PPP3CA: variants seen among roughly 807,000 people sequenced by gnomAD.
The protein encoded by PPP3CA is CAM-PRP catalytic subunit.
Under a neutral mutation model 66.5 loss-of-function variants are expected in PPP3CA, and 14 were observed. That is an observed-to-expected ratio of 0.21 (90% CI 0.14 to 0.33). The LOEUF is 0.33. Among genes scored for constraint, PPP3CA ranks in the 10% least tolerant of loss-of-function variants. PPP3CA has a pLI of 1.00. For synonymous variants in PPP3CA, 232 were observed against 226.2 expected (o/e 1.03, Z -0.23); for missense variants, 317 against 639.5 (o/e 0.50, Z 5.44).
intron 1 of PPP3CA, among the ~76,000 whole-genome samples, chr4:101,301,263 A>C (rs968878953): frequency 7.2e-5 from 11 of 151,732 alleles, no homozygotes; most frequent in African/African-American, 2.7e-4. Context: ...GAAACTACAA[A>C]ATTCAATTGA....
chr4:101,171,455 A>C (rs1256250303), intron 2 of PPP3CA, among the ~76,000 whole-genome samples: 1 of 152,154 alleles, frequency 6.6e-6, no homozygotes, highest in Non-Finnish European at 1.5e-5. Context: ...TAGTAATAAA[A>C]ATAATAATAG....
intron 2 of PPP3CA, among the ~76,000 whole-genome samples, chr4:101,109,522 T>A (rs1721593570): frequency 6.6e-6 from 1 of 151,926 alleles, no homozygotes; most frequent in African/African-American, 2.4e-5. Context: ...AACTGAGGTC[T>A]GAATACATGG....
chr4:101,201,620 T>G (rs144052061), intron 1 of PPP3CA, among the ~76,000 whole-genome samples: 1 of 152,344 alleles, frequency 6.6e-6, no homozygotes, highest in African/African-American at 2.4e-5. Flanking sequence ...CACATTTATT[T>G]CATCCCTCTC....
intron 1 of PPP3CA, among the ~76,000 whole-genome samples, chr4:101,233,429 C>T (rs1475923355): frequency 6.6e-6 from 1 of 151,782 alleles, no homozygotes; most frequent in East Asian, 1.9e-4. Context: ...AAGTCATTAA[C>T]ATTTTAAAGA....
chr4:101,069,348 C>T (rs1185440238), intron 8 of PPP3CA, among the ~76,000 whole-genome samples: 1 of 152,096 alleles, frequency 6.6e-6, no homozygotes, highest in African/African-American at 2.4e-5. Flanking sequence ...ACTTTATGTC[C>T]ATTCTAGCCC....
intron 10 of PPP3CA, among the ~76,000 whole-genome samples, chr4:101,041,959 T>C (rs1463891037): frequency 6.6e-6 from 1 of 152,128 alleles, no homozygotes; most frequent in Non-Finnish European, 1.5e-5. Context: ...ATAACTGGTA[T>C]GTGTTTTGGT....
At chr4:101,241,043 T>A (rs1726290572) in intron 1 of PPP3CA, among the ~76,000 whole-genome samples, 2 of 152,040 alleles carry the variant, frequency 1.3e-5, no homozygotes, top group African/African-American at 4.8e-5. Flanking sequence ...AATTTTTAAT[T>A]TTTTGTAGAG....
At chr4:101,035,187 C>T (rs530999832) in intron 11 of PPP3CA, among the ~76,000 whole-genome samples, 3 of 152,090 alleles carry the variant, frequency 2.0e-5, no homozygotes, top group East Asian at 1.9e-4. Context: ...GAGAATTGCT[C>T]GAACCCAGGA....
intron 1 of PPP3CA, among the ~76,000 whole-genome samples, chr4:101,275,634 T>A (rs574966650): frequency 1.3e-5 from 2 of 152,310 alleles, no homozygotes; most frequent in East Asian, 3.9e-4. Context: ...AGAATCAAGG[T>A]CATTCTCATA....
intron 11 of PPP3CA, among the ~76,000 whole-genome samples, chr4:101,037,436 T>C (rs1171553911): frequency 6.6e-6 from 1 of 152,226 alleles, no homozygotes; most frequent in Admixed American, 6.5e-5. Context: ...GTTGGGCAAG[T>C]ATACCTGACA....
intron 2 of PPP3CA, among the ~76,000 whole-genome samples, chr4:101,128,396 G>A (rs1322681699): frequency 2.6e-5 from 4 of 151,972 alleles, no homozygotes; most frequent in African/African-American, 9.7e-5. Context: ...CATGAATATG[G>A]ACACAATTAT....
At chr4:101,100,300 CTT>C (rs1730385411) in intron 3 of PPP3CA, among the ~76,000 whole-genome samples, 1 of 151,984 alleles carries the variant, frequency 6.6e-6, no homozygotes, top group African/African-American at 2.4e-5. Flanking sequence ...CTTGTCAATG[CTT>C]TGCCTCCTCA....
intron 1 of PPP3CA, among the ~76,000 whole-genome samples, chr4:101,201,913 T>C (rs1560655760): frequency 6.6e-6 from 1 of 152,214 alleles, no homozygotes; most frequent in Non-Finnish European, 1.5e-5. Flanking sequence ...AACTATGCAC[T>C]GTATCCCATG....
intron 2 of PPP3CA, among the ~76,000 whole-genome samples, chr4:101,115,397 CT>C (rs1199314992): frequency 2.0e-5 from 3 of 151,866 alleles, no homozygotes; most frequent in Admixed American, 6.6e-5. Flanking sequence ...GCTGGTAGCT[CT>C]TTAATGAGAA....
intron 1 of PPP3CA, among the ~76,000 whole-genome samples, chr4:101,234,073 A>T (rs1373430155): frequency 6.6e-6 from 1 of 151,774 alleles, no homozygotes; most frequent in Non-Finnish European, 1.5e-5. Context: ...AAAGGTCATG[A>T]TCTCATTCCT....
At chr4:101,138,090 G>A (rs1272907583) in intron 2 of PPP3CA, among the ~76,000 whole-genome samples, 1 of 152,126 alleles carries the variant, frequency 6.6e-6, no homozygotes. Flanking sequence ...ATAAGCAATG[G>A]TTGCCTTTTG....
At position 101,283,519 on chromosome 4, in the gene PPP3CA, T is replaced by A. The variant is rs546664562; in HGVS notation, c.58+63220A>T. ...GTGCAATACAAGTAAATTAACAAAA[T>A]AAGAGTATTTTAAAGTTAGAAAAAT... On this transcript the variant is annotated intron_variant, in intron 1 of 13. Transcript: ENST00000394854. Among the ~76,000 whole-genome samples the A allele has an allele frequency of 6.6e-5, 10 of 152,176 alleles. No individual in the cohort carries two copies. In the South Asian group the frequency reaches 2.1e-3, roughly 32 times the overall value.
At chr4:101,038,427 T>C (rs1314570411) in intron 11 of PPP3CA, among the ~76,000 whole-genome samples, 1 of 151,474 alleles carries the variant, frequency 6.6e-6, no homozygotes, top group East Asian at 1.9e-4. Flanking sequence ...TGGAGTGCAG[T>C]GGCGCGATCT....
chr4:101,294,705 T>C (rs1439721590), intron 1 of PPP3CA, among the ~76,000 whole-genome samples: 1 of 152,074 alleles, frequency 6.6e-6, no homozygotes, highest in Non-Finnish European at 1.5e-5. Flanking sequence ...ACTTTGGGCT[T>C]GATAATTCTG....
Sources: gnomAD v4.1 joint callset for allele counts (sites outside exome capture counted in the v4.1 genomes callset) on GRCh38, gnomAD v4.1.1 for gene constraint, MANE v1.5 for transcripts, NCBI Gene and HGNC (gene_info 2026-07-23, HGNC 2026-07-21) for gene names.